The following GALNTL6 variants were observed in gnomAD, a reference collection of about 807,000 sequenced individuals.
GALNTL6 encodes polypeptide N-acetylgalactosaminyltransferase like 6, also known as polypeptide N-acetylgalactosaminyltransferase-like 6.
Under a neutral mutation model 73.7 loss-of-function variants are expected in GALNTL6, and 46 were observed. The observed-to-expected ratio is 0.62, with a 90% confidence interval of 0.49 to 0.80. The LOEUF is 0.80. Among genes scored for constraint, GALNTL6 ranks in the 30% least tolerant of loss-of-function variants. The pLI, the probability that GALNTL6 is intolerant of heterozygous loss-of-function variation, is 0.00. For synonymous variants in GALNTL6, 259 were observed against 263.7 expected, an observed-to-expected ratio of 0.98 and a Z score of 0.17; for missense variants, 604 against 755.0, an observed-to-expected ratio of 0.80 and a Z score of 2.34.
intron 3 of GALNTL6, among the ~76,000 whole-genome samples, chr4:172,304,908 G>A (rs1173656367): frequency 6.6e-6 from 1 of 152,034 alleles, no homozygotes; most frequent in East Asian, 1.9e-4. Flanking sequence ...ACTTTTTCTA[G>A]TTGCAGTTTC....
chr4:171,923,201 A>C (rs946923054), intron 2 of GALNTL6, among the ~76,000 whole-genome samples: 11 of 152,124 alleles, frequency 7.2e-5, no homozygotes, highest in African/African-American at 2.7e-4. Flanking sequence ...GTTTTGTTTC[A>C]ATTTATGGAG....
chr4:171,902,280 G>A lies in GALNTL6; in HGVS notation c.138+87562G>A, dbSNP rs1338805279. 3.3e-5 allele frequency among the ~76,000 whole-genome samples: 5 copies of A among 152,190 alleles called. No individual in the cohort carries two copies. The South Asian group carries it at 6.2e-4, about 19-fold the overall frequency. On this transcript the variant is annotated intron_variant, in intron 2 of 12. Transcript: ENST00000506823. ...GAGGTTGTAAAAAAAGAGAGAGGTG[G>A]GAAAGTATATTATCACAGAGTGCAA...
intron 2 of GALNTL6, among the ~76,000 whole-genome samples, chr4:171,849,180 TATTCTTCCTTTCGCTTCAACACTTA>T (rs1735453537): frequency 6.6e-6 from 1 of 152,230 alleles, no homozygotes; most frequent in African/African-American, 2.4e-5. Context: ...AAAGACATGC[TATTCTTCCTTTCGCTTCAACACTTA>T]GAAGCCGTTG....
At position 172,034,395 on chromosome 4, in the gene GALNTL6, CGTGCGTGTGTGTGTGT is replaced by C. The variant is rs1228866205; in HGVS notation, c.139-195257_139-195242del. Among the ~76,000 whole-genome samples the C allele has an allele frequency of 1.6e-3, 217 of 139,702 alleles. 2 individuals carry two copies. The highest frequency in any genetic ancestry group is 5.1e-3 in the African/African-American group (190 of 37,390). 91.6% of individuals were successfully genotyped at this position (139,702 alleles called of 152,430 possible). On this transcript the variant is annotated intron_variant, in intron 2 of 12. Coordinates refer to ENST00000506823, the MANE Select transcript of GALNTL6 (RefSeq NM_001034845.3). ...TCTATTCTTCCTTAAGGGGAGCGTG[CGTGCGTGTGTGTGTGT>C]GTGTGTGTGTGTGTGTGTGTGTGTG...
chr4:172,793,448 T>G (rs188384243), intron 5 of GALNTL6, among the ~76,000 whole-genome samples: 43 of 152,276 alleles, frequency 2.8e-4, no homozygotes, highest in African/African-American at 9.1e-4. Context: ...ATCAACATCA[T>G]GTCTATCTCA....
At chr4:172,062,509 C>T (rs2110884355) in intron 2 of GALNTL6, among the ~76,000 whole-genome samples, 1 of 152,276 alleles carries the variant, frequency 6.6e-6, no homozygotes, top group African/African-American at 2.4e-5. Context: ...TATTTTCTCC[C>T]TTCGTAGAAA....
intron 2 of GALNTL6, among the ~76,000 whole-genome samples, chr4:172,053,129 T>A (rs1730924482): frequency 6.6e-6 from 1 of 152,192 alleles, no homozygotes; most frequent in Non-Finnish European, 1.5e-5. Context: ...AACTCACGTC[T>A]AATTACCATT....
intron 2 of GALNTL6, among the ~76,000 whole-genome samples, chr4:172,223,168 A>G (rs1345010924): frequency 1.3e-5 from 2 of 152,020 alleles, no homozygotes; most frequent in Non-Finnish European, 2.9e-5. Context: ...ACTGACTAGA[A>G]GTTTTAGCAA....
chr4:172,562,241 A>G (rs1736399682), intron 5 of GALNTL6, among the ~76,000 whole-genome samples: 1 of 152,080 alleles, frequency 6.6e-6, no homozygotes, highest in Non-Finnish European at 1.5e-5. Flanking sequence ...CAATCTCTGC[A>G]CTCACCCCCA....
intron 5 of GALNTL6, among the ~76,000 whole-genome samples, chr4:172,621,887 GA>G (rs2111073065): frequency 6.6e-6 from 1 of 151,918 alleles, no homozygotes; most frequent in Non-Finnish European, 1.5e-5. Context: ...TTTAATCTTA[GA>G]ATTTAAGAAT....
chr4:172,365,069 A>C (rs2019774), intron 5 of GALNTL6, among the ~76,000 whole-genome samples: 150,894 of 152,290 alleles, frequency 0.99, 74,777 homozygotes, highest in Middle Eastern at 1. Flanking sequence ...ACTCAACAGT[A>C]AAAGACAGGT....
intron 10 of GALNTL6, among the ~76,000 whole-genome samples, chr4:172,972,817 C>T (rs915085313): frequency 6.6e-6 from 1 of 151,966 alleles, no homozygotes; most frequent in African/African-American, 2.4e-5. Flanking sequence ...AAAAGTGACC[C>T]CATTAATTAA....
At chr4:173,005,473 T>C (rs992345077) in intron 10 of GALNTL6, among the ~76,000 whole-genome samples, 2 of 152,150 alleles carry the variant, frequency 1.3e-5, no homozygotes, top group Admixed American at 1.3e-4. Flanking sequence ...CAGCCAGAGG[T>C]ACAGAGCCCA....
Position 171,911,586 on chromosome 4 carries a change from T to C in GALNTL6, c.138+96868T>C, listed in dbSNP as rs1420958769. Reference sequence around the variant, plus strand: ...TAAGTTAAGCACATAGAGTCTGATATACGTGTGCTGATTCCAGTGCACAAA... The same window carrying C: ...TAAGTTAAGCACATAGAGTCTGATACACGTGTGCTGATTCCAGTGCACAAA... On this transcript the variant is annotated intron_variant, in intron 2 of 12. Coordinates refer to ENST00000506823, the MANE Select transcript of GALNTL6 (RefSeq NM_001034845.3). Among the ~76,000 whole-genome samples, 3 of 152,192 alleles carry C rather than the reference T, an allele frequency of 2.0e-5. No homozygotes were observed. In the South Asian group the frequency reaches 6.2e-4, roughly 31 times the overall value.
intron 2 of GALNTL6, among the ~76,000 whole-genome samples, chr4:172,182,638 C>A (rs1735288552): frequency 6.7e-6 from 1 of 149,486 alleles, no homozygotes; most frequent in Non-Finnish European, 1.5e-5. Flanking sequence ...ATCAAGTAGA[C>A]CAAAGCAATC....
chr4:172,253,117 TA>T (rs1251767101), intron 3 of GALNTL6, among the ~76,000 whole-genome samples: 6 of 152,008 alleles, frequency 3.9e-5, no homozygotes, highest in African/African-American at 4.8e-5. Flanking sequence ...TAATAAGCAT[TA>T]TTTTATTTTT....
intron 2 of GALNTL6, among the ~76,000 whole-genome samples, chr4:172,041,150 A>G (rs1010820680): frequency 1.3e-5 from 2 of 152,074 alleles, no homozygotes; most frequent in Non-Finnish European, 2.9e-5. Flanking sequence ...TGATGATTGC[A>G]TGAGTTGGGA....
rs768273679 is a variant in GALNTL6 at position 172,931,239 on chromosome 4, A to G, written c.1120A>G (p.Lys374Glu). Residue 374 changes from lysine (K) to glutamate (E), a missense_variant, in exon 9 of 13, where the codon AAA becomes GAA. By Grantham distance (56) the Lys-to-Glu change is moderately conservative (BLOSUM62 1). Around this residue, in one of 5 missense-constraint regions of GALNTL6, gnomAD observed 261 missense variants for 296.5 expected, o/e 0.88. Coordinates refer to ENST00000506823, the MANE Select transcript of GALNTL6 (RefSeq NM_001034845.3). ...GHIYRKYVPY[K>E]VPSGTSLARN... The stretch of plus-strand genomic sequence containing the variant: ...TATCTACAGGAAGTACGTTCCATAC[A>G]AAGTTCCATCTGGGACAAGCCTGGC... The G allele has an allele frequency of 1.1e-5, 17 of 1,609,474 alleles. No individual in the cohort carries two copies. The highest frequency in any genetic ancestry group is 1.4e-5 in the Non-Finnish European group (17 of 1,175,738).
chr4:172,050,415 A>G (rs975736366), intron 2 of GALNTL6, among the ~76,000 whole-genome samples: 3 of 152,192 alleles, frequency 2.0e-5, no homozygotes, highest in African/African-American at 7.2e-5. Flanking sequence ...TTAGATTTAA[A>G]GTTCTTCTGA....
Sources: allele counts gnomAD v4.1 joint callset (sites outside exome capture counted in the v4.1 genomes callset), GRCh38; gene constraint gnomAD v4.1.1; regional missense constraint gnomAD v4.1.1; transcripts MANE v1.5; gene names NCBI Gene and HGNC (gene_info 2026-07-23, HGNC 2026-07-21).